Variants in TMPRSS6 observed in about 807,000 individuals in gnomAD.
The protein encoded by TMPRSS6 is transmembrane protease serine 6.
In TMPRSS6, 67 loss-of-function variants were observed where a neutral mutation model predicts 101.5. The ratio of observed to expected loss-of-function variants is 0.66; its 90% CI spans 0.54 to 0.81. The LOEUF is 0.81. Among genes scored for constraint, TMPRSS6 ranks in the 30% least tolerant of loss-of-function variants. The pLI is 0.00. For synonymous variants in TMPRSS6, 453 were observed against 464.9 expected, an observed-to-expected ratio of 0.97 and a Z score of 0.33; for missense variants, 1,034 against 1,088.7, an observed-to-expected ratio of 0.95 and a Z score of 0.71.
chr22:37,103,487 TG>T lies in TMPRSS6; in HGVS notation c.-1-70del, dbSNP rs763330198. ...CAAGGGAGCCTCTGCTGAGCACCGG[TG>T]GGGCACGGAAGCAGGACTTCCCTGC... On this transcript the variant is annotated intron_variant, in intron 1 of 17. Coordinates refer to ENST00000676104, the MANE Select transcript of TMPRSS6 (RefSeq NM_001374504.1). The surrounding 1 kb of genome is among the most constrained non-coding windows in gnomAD (Gnocchi z 4.4). The T allele has an allele frequency of 1.7e-5, 28 of 1,614,026 alleles. No homozygotes were observed. In the African/African-American group the frequency reaches 3.6e-4, roughly 21 times the overall value.
chr22:37,081,653 G>A (rs1014239849), intron 10 of TMPRSS6, among the ~76,000 whole-genome samples: 1 of 152,134 alleles, frequency 6.6e-6, no homozygotes, highest in Non-Finnish European at 1.5e-5. Flanking sequence ...ACAGAGAGAG[G>A]GGGAGCTATG....
upstream of TMPRSS6, among the ~76,000 whole-genome samples, chr22:37,110,137 CTTTTT>C (rs55809648): frequency 3.4e-5 from 3 of 87,066 alleles, no homozygotes; most frequent in African/African-American, 9.1e-5. Context: ...CTACCTCGTT[CTTTTT>C]TTTTTTTTTT....
chr22:37,097,462 T>C (rs987484108), intron 3 of TMPRSS6, among the ~76,000 whole-genome samples: 7 of 152,220 alleles, frequency 4.6e-5, no homozygotes, highest in Non-Finnish European at 8.8e-5. Flanking sequence ...CTGTGAACTA[T>C]TCCCCCTGCC....
At chr22:37,091,001 C>G (rs1052271590) in intron 6 of TMPRSS6, among the ~76,000 whole-genome samples, 1 of 152,274 alleles carries the variant, frequency 6.6e-6, no homozygotes, top group African/African-American at 2.4e-5. Flanking sequence ...ACCCCCCTAC[C>G]CCACACACCA....
At chr22:37,076,383 C>G (rs943588174) in intron 10 of TMPRSS6, among the ~76,000 whole-genome samples, 2 of 152,196 alleles carry the variant, frequency 1.3e-5, no homozygotes, top group Non-Finnish European at 2.9e-5. Flanking sequence ...GGGACCACCC[C>G]CAGCTGTGGG....
rs143334842 is a variant in TMPRSS6 at position 37,073,481 on chromosome 22, G to A, written c.1555+51C>T. 5.1e-4 allele frequency: 658 copies of A among 1,289,056 alleles called. 5 individuals carry two copies. In the African/African-American group the frequency reaches 8.4e-3, roughly 17 times the overall value. The allele number at this position is 1,289,056 out of a possible 1,614,324, so 79.9% of individuals were successfully genotyped here. On this transcript the variant is annotated intron_variant, in intron 13 of 17. Transcript: ENST00000676104. ...AAACTTTTGCTGAAGCATGTAGCAG[G>A]CCTAGACTGCCTTTGGTGTCCCTCC...
At chr22:37,072,563 G>A (rs1927142548) in intron 13 of TMPRSS6, among the ~76,000 whole-genome samples, 1 of 119,162 alleles carries the variant, frequency 8.4e-6, no homozygotes, top group East Asian at 2.2e-4. Flanking sequence ...GATGGATGAT[G>A]GATGGATGGA....
chr22:37,075,284 G>T lies in TMPRSS6; in HGVS notation c.1197-4C>A, dbSNP rs529716198. On this transcript the variant is annotated splice_region_variant and splice_polypyrimidine_tract_variant and intron_variant, in intron 10 of 17. Coordinates refer to ENST00000676104, the MANE Select transcript of TMPRSS6 (RefSeq NM_001374504.1). ...CAGGATGCGCAAGCCACACAGCCTG[G>T]GGGGAGTCAGAGACGACTCAGGGCT... 2.5e-6 allele frequency: 4 copies of T among 1,613,346 alleles called. No individual in the cohort carries two copies. The highest frequency in any genetic ancestry group is 4.5e-5 in the East Asian group (2 of 44,878).
chr22:37,083,587 C>T (rs371608993), intron 10 of TMPRSS6, among the ~76,000 whole-genome samples: 1 of 152,258 alleles, frequency 6.6e-6, no homozygotes, highest in South Asian at 2.1e-4. Context: ...CTGAAGCTGT[C>T]GGCACCACCC....
intron 1 of TMPRSS6, among the ~76,000 whole-genome samples, chr22:37,107,220 A>C (rs1930771021): frequency 6.6e-6 from 1 of 152,082 alleles, no homozygotes; most frequent in Non-Finnish European, 1.5e-5. Context: ...TTCAATGCTC[A>C]GTCACCCTAT....
rs139563689 is a variant in TMPRSS6 at position 37,098,540 on chromosome 22, G to A, written c.212C>T (p.Ala71Val). Residue 71 changes from alanine (A) to valine (V), a missense_variant, in exon 3 of 18, where the codon GCG (alanine) becomes GTG (valine). By Grantham distance (64) the Ala-to-Val change is moderately conservative. Coordinates refer to ENST00000676104, the MANE Select transcript of TMPRSS6 (RefSeq NM_001374504.1). ...VLLWYFLGYK[A>V]EVMVSQVYSG... ...GTACACCTGGCTGACCATCACCTCC[G>A]CCTTGTACCCTGCCCAGGAAGGAAC... 2,665 of 1,614,092 alleles carry A rather than the reference G, an allele frequency of 1.7e-3. 3 individuals are homozygous for A. The highest frequency in any genetic ancestry group is 1.8e-3 in the Non-Finnish European group (2,179 of 1,180,012).
At chr22:37,097,730 G>A (rs1480523374) in intron 3 of TMPRSS6, among the ~76,000 whole-genome samples, 9 of 119,880 alleles carry the variant, frequency 7.5e-5, no homozygotes, top group Admixed American at 5.4e-4. Flanking sequence ...GCGGGCCACC[G>A]TCCTGTAACG....
At chr22:37,090,579 C>T (rs548747585) in intron 6 of TMPRSS6, among the ~76,000 whole-genome samples, 1 of 152,330 alleles carries the variant, frequency 6.6e-6, no homozygotes, top group South Asian at 2.1e-4. Flanking sequence ...GAACTGAATG[C>T]CTTCCCTCAC....
intron 13 of TMPRSS6, 22 bp downstream of exon 13, chr22:37,073,510 C>T (rs1254462062): frequency 6.4e-7 from 1 of 1,556,984 alleles, no homozygotes; most frequent in Non-Finnish European, 8.9e-7. Context: ...TCCCTCCAGA[C>T]ACTCGGCTAG....
At chr22:37,106,021 G>A (rs551184370) in intron 1 of TMPRSS6, among the ~76,000 whole-genome samples, 3 of 152,260 alleles carry the variant, frequency 2.0e-5, no homozygotes, top group African/African-American at 4.8e-5. Flanking sequence ...GGGACTCGGG[G>A]GCATAGAGGT....
chr22:37,081,123 G>A (rs756188319), intron 10 of TMPRSS6, among the ~76,000 whole-genome samples: 7 of 152,208 alleles, frequency 4.6e-5, no homozygotes, highest in Admixed American at 1.3e-4. Flanking sequence ...CTGCTTCCTC[G>A]CTGGGTTGTT....
intron 2 of TMPRSS6, among the ~76,000 whole-genome samples, chr22:37,098,806 C>T (rs574064186): frequency 1.4e-4 from 22 of 152,266 alleles, no homozygotes; most frequent in Non-Finnish European, 2.4e-4. Flanking sequence ...CCTACAGGTT[C>T]CCAGGGAGAG....
intron 2 of TMPRSS6, among the ~76,000 whole-genome samples, chr22:37,102,155 G>C (rs1601575684): frequency 6.6e-6 from 1 of 152,370 alleles, no homozygotes; most frequent in Non-Finnish European, 1.5e-5. Flanking sequence ...GATTCAGCCA[G>C]TAAGAGCACT....
Position 37,093,384 on chromosome 22 carries a change from C to CTTTTTTTTTT in TMPRSS6, c.631+2157_631+2166dup, listed in dbSNP as rs67659825. ...ACCTTTTCCTTTCCTTTCTTTCTTT[C>CTTTTTTTTTT]TTTTTTTTTTTTTTTTTTTTTTTTT... On this transcript the variant is annotated intron_variant, in intron 6 of 17. Coordinates refer to ENST00000676104, the MANE Select transcript of TMPRSS6 (RefSeq NM_001374504.1). Among the ~76,000 whole-genome samples the CTTTTTTTTTT allele has an allele frequency of 8.5e-4, 70 of 82,566 alleles. 4 individuals are homozygous for CTTTTTTTTTT. Among genetic ancestry groups the CTTTTTTTTTT allele is most frequent in the African/African-American group, 2.5e-3 (47 of 19,082 alleles). 54.2% of individuals were successfully genotyped at this position (82,566 alleles called of 152,430 possible).
Sources: gnomAD v4.1 joint callset for allele counts (sites outside exome capture counted in the v4.1 genomes callset) on GRCh38, gnomAD v4.1.1 for gene constraint, Gnocchi (gnomAD v3.1) non-coding constraint, MANE v1.5 for transcripts, NCBI Gene and HGNC (gene_info 2026-07-23, HGNC 2026-07-21) for gene names.